TXK: variants seen among roughly 807,000 people sequenced by gnomAD.
TXK encodes TXK tyrosine kinase.
TXK carries 60 observed loss-of-function variants against 81.0 expected under a neutral mutation model. The ratio of observed to expected loss-of-function variants is 0.74; its 90% CI spans 0.60 to 0.92. TXK has a LOEUF of 0.92. Ranked by LOEUF, TXK falls within the 40% of genes least tolerant of loss-of-function variation. The pLI is 0.00. For synonymous variants in TXK, 203 were observed against 210.7 expected, an observed-to-expected ratio of 0.96 and a Z score of 0.32; for missense variants, 581 against 638.3, an observed-to-expected ratio of 0.91 and a Z score of 0.97.
intron 12 of TXK, among the ~76,000 whole-genome samples, chr4:48,075,743 G>A (rs760501488): frequency 1.3e-4 from 20 of 152,136 alleles, no homozygotes; most frequent in East Asian, 3.9e-4. Context: ...AGACAAGACC[G>A]GAGGATGGTG....
chr4:48,094,064 G>T lies in TXK; in HGVS notation c.709+13C>A. 1 of 1,613,090 alleles carries T rather than the reference G, an allele frequency of 6.2e-7. No homozygotes were observed. The highest frequency in any genetic ancestry group is 8.5e-7 in the Non-Finnish European group (1 of 1,180,026). Reference sequence around the variant, plus strand: ...GGCTCCCTGACTCACCCAGCTGGAAGTTCCCCTCTTACCGGCTGCATTGTG... The same window carrying T: ...GGCTCCCTGACTCACCCAGCTGGAATTTCCCCTCTTACCGGCTGCATTGTG... On this transcript the variant is annotated intron_variant, in intron 8 of 14. Coordinates refer to ENST00000264316, the MANE Select transcript of TXK (RefSeq NM_003328.3).
At chr4:48,130,455 G>A (rs1446840691) in intron 1 of TXK, among the ~76,000 whole-genome samples, 21 of 152,190 alleles carry the variant, frequency 1.4e-4, no homozygotes, top group Admixed American at 6.5e-5. Context: ...GATTCTCTGC[G>A]GGCTGCCTGA....
At position 48,113,021 on chromosome 4, in the gene TXK, C is replaced by T. The variant is rs140722978; in HGVS notation, c.174+186G>A. ...AAGTTCTGCCTTTAAATATAAGTAG[C>T]CTATTTTAACTGGTCTTTTCTTTTT... On this transcript the variant is annotated intron_variant, in intron 3 of 14. Transcript: ENST00000264316. Among the ~76,000 whole-genome samples the T allele has an allele frequency of 2.9e-3, 445 of 151,994 alleles. 1 individual carries two copies. The highest frequency in any genetic ancestry group is 4.7e-3 in the Non-Finnish European group (319 of 67,976).
intron 5 of TXK, among the ~76,000 whole-genome samples, chr4:48,107,195 T>G (rs1010937737): frequency 3.3e-5 from 5 of 151,576 alleles, no homozygotes; most frequent in African/African-American, 1.2e-4. Context: ...TCTTACTTCT[T>G]TAGATTTATA....
intron 1 of TXK, among the ~76,000 whole-genome samples, chr4:48,126,193 CCCT>C (rs1297188768): frequency 6.6e-6 from 1 of 152,170 alleles, no homozygotes; most frequent in Non-Finnish European, 1.5e-5. Flanking sequence ...AAAGACCAAT[CCCT>C]CCTCTTCATC....
chr4:48,092,176 C>T (rs1249563619), intron 8 of TXK, among the ~76,000 whole-genome samples: 5 of 152,038 alleles, frequency 3.3e-5, no homozygotes, highest in Non-Finnish European at 5.9e-5. Context: ...TCAGGGCCTG[C>T]GGGATTGCAA....
In TXK at chr4:48,115,070, A is replaced by G. The variant is rs560690777; in HGVS notation, c.17-668T>C. 9.2e-5 allele frequency among the ~76,000 whole-genome samples: 14 copies of G among 151,894 alleles called. No homozygotes were observed. In the East Asian group the frequency reaches 2.3e-3, roughly 25 times the overall value. On this transcript the variant is annotated intron_variant, in intron 1 of 14. Coordinates refer to ENST00000264316, the MANE Select transcript of TXK (RefSeq NM_003328.3). ...AATTTTACTTTAAGTTCTGGGATAC[A>G]TGTGCAGAACAAGCAGGTTTGTTAC...
intron 10 of TXK, among the ~76,000 whole-genome samples, chr4:48,082,795 G>A (rs886071721): frequency 6.6e-6 from 1 of 152,184 alleles, no homozygotes; most frequent in African/African-American, 2.4e-5. Flanking sequence ...GAATGGTACA[G>A]CAGAGAAGGG....
At chr4:48,071,414 C>T in intron 14 of TXK, 103 bp downstream of exon 14, 3 of 1,207,214 alleles carry the variant, frequency 2.5e-6, no homozygotes, top group Non-Finnish European at 3.5e-6. Context: ...ACACAGATGC[C>T]TTTTCCTGCC....
intron 1 of TXK, among the ~76,000 whole-genome samples, chr4:48,117,424 T>G (rs561128241): frequency 1.3e-5 from 2 of 152,366 alleles, no homozygotes; most frequent in East Asian, 3.9e-4. Flanking sequence ...CTCTTTGCTG[T>G]AATTGTGAAG....
chr4:48,104,856 T>C, intron 6 of TXK, 45 bp downstream of exon 6: 1 of 1,464,504 alleles, frequency 6.8e-7, no homozygotes, highest in South Asian at 1.3e-5. Context: ...TCTTTATAAG[T>C]ACTTCTCAGA....
intron 4 of TXK, among the ~76,000 whole-genome samples, chr4:48,110,946 A>G (rs1577675738): frequency 6.6e-6 from 1 of 152,232 alleles, no homozygotes; most frequent in African/African-American, 2.4e-5. Flanking sequence ...ATTCTTTTCA[A>G]TTGCTGAGGA....
At chr4:48,069,326 C>CTTTTTT (rs376924565) in intron 14 of TXK, among the ~76,000 whole-genome samples, 1 of 95,826 alleles carries the variant, frequency 1.0e-5, no homozygotes, top group African/African-American at 4.2e-5. Flanking sequence ...CTTTTCTTTT[C>CTTTTTT]TTTTTTTTTT....
intron 1 of TXK, among the ~76,000 whole-genome samples, 168 bp downstream of exon 1, chr4:48,133,987 C>G (rs1719312198): frequency 6.6e-6 from 1 of 152,176 alleles, no homozygotes; most frequent in Non-Finnish European, 1.5e-5. Context: ...TACATCATCA[C>G]TGTGGTTCTT....
intron 6 of TXK, among the ~76,000 whole-genome samples, chr4:48,101,988 T>C (rs1026079969): frequency 6.6e-6 from 1 of 152,140 alleles, no homozygotes; most frequent in East Asian, 1.9e-4. Flanking sequence ...TTTTTTAATT[T>C]ATTTTTTTGA....
intron 2 of TXK, 66 bp downstream of exon 2, chr4:48,114,282 C>T (rs1718731633): frequency 6.5e-7 from 1 of 1,528,116 alleles, no homozygotes; most frequent in South Asian, 1.1e-5. Context: ...GACATGGTGA[C>T]TCCACAGGTA....
At chr4:48,110,662 G>C in intron 4 of TXK, 59 bp from the exon 5 acceptor site, 2 of 1,286,242 alleles carry the variant, frequency 1.6e-6, no homozygotes, top group Non-Finnish European at 2.2e-6. Context: ...CATTATCATG[G>C]CAACAATCCT....
rs11724347 is a variant in TXK at position 48,080,078 on chromosome 4, C to T, written c.1007G>A (p.Arg336Gln). The T allele has an allele frequency of 0.061, 98,033 of 1,613,816 alleles. 3,386 individuals are homozygous for T. The highest frequency in any genetic ancestry group is 0.097 in the Middle Eastern group (590 of 6,062). Residue 336 changes from arginine (R) to glutamine (Q), a missense_variant, in exon 11 of 15, where the codon CGG (arginine) becomes CAG (glutamine). By Grantham distance (43) the Arg-to-Gln change is conservative. Transcript: ENST00000264316. ...LVQLYGVCIQ[R>Q]KPLYIVTEFM... is the part of the protein sequence containing the mutation. ...CTCTGTCACAATGTAAAGGGGCTTCCGCTGTATACAGACTCCATAAAGTTG... is the reference window on the plus strand; with the variant it reads ...CTCTGTCACAATGTAAAGGGGCTTCTGCTGTATACAGACTCCATAAAGTTG...
At position 48,112,313 on chromosome 4, in the gene TXK, C is replaced by A. The variant is rs539306439; in HGVS notation, c.374G>T (p.Arg125Leu). The A allele has an allele frequency of 1.5e-4, 249 of 1,614,048 alleles. 2 individuals carry two copies. In the South Asian group the frequency reaches 2.1e-3, roughly 14 times the overall value. ...YNPHWWKARD[R>L]LGNEGLIPSN... ...AGTCATGTAAGTGTCTTACCCCAAA[C>A]GGTCTCTTGCCTTCCACCAGTGAGG... The change falls in exon 4 of 15, where the codon CGT becomes CTT. Residue 125 changes from arginine (R) to leucine (L), a missense_variant. Physicochemically the swap from Arg to Leu is moderately radical, Grantham distance 102. Coordinates refer to ENST00000264316, the MANE Select transcript of TXK (RefSeq NM_003328.3).
Sources: gnomAD v4.1 joint callset for allele counts (sites outside exome capture counted in the v4.1 genomes callset) on GRCh38, gnomAD v4.1.1 for gene constraint, MANE v1.5 for transcripts, NCBI Gene and HGNC (gene_info 2026-07-23, HGNC 2026-07-21) for gene names.